The following NR1H3 variants were observed in gnomAD, a reference collection of about 807,000 sequenced individuals.
NR1H3 encodes the protein nuclear receptor subfamily 1 group H member 3, also known as oxysterols receptor LXR-alpha.
A neutral mutation model predicts 48.1 loss-of-function variants in NR1H3; 19 were observed. The ratio of observed to expected loss-of-function variants is 0.40; its 90% CI spans 0.28 to 0.58. The LOEUF (loss-of-function observed/expected upper bound fraction) is 0.58, where lower values mean the gene tolerates loss of function less well. Ranked by LOEUF, NR1H3 falls within the 20% of genes least tolerant of loss-of-function variation. The pLI is 0.50. For missense variants in NR1H3, 486 were observed against 595.9 expected, an observed-to-expected ratio of 0.82 and a Z score of 1.92; for synonymous variants, 232 against 227.3, an observed-to-expected ratio of 1.02 and a Z score of -0.19.
At chr11:47,262,638 T>G (rs1401047429) in intron 7 of NR1H3, among the ~76,000 whole-genome samples, 1 of 152,040 alleles carries the variant, frequency 6.6e-6, no homozygotes, top group African/African-American at 2.4e-5. Context: ...CTTCAGCTTC[T>G]CAAGTAGCTG....
intron 1 of NR1H3, 128 bp downstream of exon 1, chr11:47,258,257 G>C (rs1269831356): frequency 1.1e-6 from 1 of 948,394 alleles, no homozygotes; most frequent in East Asian, 1.2e-4. Flanking sequence ...TGGAAGCTTG[G>C]GACAGGAGCA....
rs371384896 is a variant in NR1H3, at chr11:47,260,508, A to G, written c.332A>G (p.Asn111Ser). Residue 111 changes from asparagine to serine, a missense_variant, in exon 4 of 10, where the codon AAT (asparagine) becomes AGT (serine). Physicochemically the swap from Asn to Ser is conservative, Grantham distance 46. Coordinates refer to ENST00000441012, the MANE Select transcript of NR1H3 (RefSeq NM_005693.4). ...CGDKASGFHY[N>S]VLSCEGCKGF... ...GACAAGGCCTCGGGCTTCCACTACA[A>G]TGTTCTGAGCTGCGAGGGCTGCAAG... 1.3e-5 allele frequency: 21 copies of G among 1,614,118 alleles called. No homozygotes were observed. The highest frequency in any genetic ancestry group is 2.7e-5 in the African/African-American group (2 of 74,938).
At position 47,248,934 on chromosome 11, in the gene NR1H3, G is replaced by A. The variant is rs986505464; in HGVS notation, c.-158G>A. The A allele has an allele frequency of 5.2e-6, 8 of 1,534,864 alleles. No individual in the cohort carries two copies. In the East Asian group the frequency reaches 2.0e-4, roughly 38 times the overall value. On this transcript the variant is annotated 5_prime_UTR_variant, in exon 1 of 9. Transcript: ENST00000395397. Reference sequence around the variant, plus strand: ...GGACCTGCTGGGGTGCGGGGAAAAGGCGCAGTCTCGGTGGGATTGCGTGCA... The same window carrying A: ...GGACCTGCTGGGGTGCGGGGAAAAGACGCAGTCTCGGTGGGATTGCGTGCA...
rs571206335 is a variant in NR1H3 at position 47,251,262 on chromosome 11, C to T, written c.-93+2263C>T. ...ATTACTAAACTGTAATTGGTGATCC[C>T]GAAATCCTTTCAATAAAGAGGTATC... is the stretch of plus-strand genomic sequence containing the variant. On this transcript the variant is annotated intron_variant, in intron 1 of 8. Coordinates refer to the NR1H3 transcript ENST00000395397. 1.4e-3 allele frequency among the ~76,000 whole-genome samples: 206 copies of T among 152,252 alleles called. 1 individual carries two copies. Among genetic ancestry groups the T allele is most frequent in the South Asian group, 1.2e-3 (6 of 4,822 alleles).
intron 1 of NR1H3, among the ~76,000 whole-genome samples, chr11:47,251,324 C>T (rs996169014): frequency 1.3e-5 from 2 of 151,646 alleles, no homozygotes; most frequent in African/African-American, 2.4e-5. Context: ...TTGGACTAAA[C>T]GGGACCTAGG....
intron 7 of NR1H3, among the ~76,000 whole-genome samples, chr11:47,263,842 A>G (rs1956183033): frequency 6.6e-6 from 1 of 151,734 alleles, no homozygotes; most frequent in South Asian, 2.1e-4. Flanking sequence ...AGCTCAGGCA[A>G]TCCGCCCGCC....
upstream of NR1H3, among the ~76,000 whole-genome samples, chr11:47,254,109 C>T (rs1954880661): frequency 6.6e-6 from 1 of 152,170 alleles, no homozygotes; most frequent in Admixed American, 6.5e-5. Context: ...AGTTGAAGTC[C>T]TGGTTATAAT....
chr11:47,263,898 A>G (rs747998794), intron 7 of NR1H3, among the ~76,000 whole-genome samples: 11 of 152,014 alleles, frequency 7.2e-5, no homozygotes, highest in Non-Finnish European at 1.2e-4. Context: ...CCACTTGTCC[A>G]GGCCCCTCCC....
At chr11:47,259,380 C>A in intron 2 of NR1H3, 121 bp downstream of exon 2, 1 of 1,596,426 alleles carries the variant, frequency 6.3e-7, no homozygotes, top group East Asian at 2.3e-5. Flanking sequence ...CAGAGTCATT[C>A]TTAGTCGTGC....
At position 47,267,897 on chromosome 11, in the gene NR1H3, C is replaced by T; in HGVS notation, c.989-16C>T. On this transcript the variant is annotated splice_polypyrimidine_tract_variant and intron_variant, in intron 7 of 9. Coordinates refer to ENST00000441012, the MANE Select transcript of NR1H3 (RefSeq NM_005693.4). ...TGCTCCTGCTGCTTGCGTCAGCCTC[C>T]CTTCTTCCTCCCCAGGGCTGCAAGT... 1 of 1,588,538 alleles carries T rather than the reference C, an allele frequency of 6.3e-7. No individual in the cohort carries two copies. Among genetic ancestry groups the T allele is most frequent in the Non-Finnish European group, 8.6e-7 (1 of 1,156,906 alleles).
intron 1 of NR1H3, among the ~76,000 whole-genome samples, chr11:47,252,535 A>T (rs1267201048): frequency 2.0e-5 from 3 of 151,356 alleles, no homozygotes; most frequent in Non-Finnish European, 4.4e-5. Flanking sequence ...CTGGGATTAC[A>T]GGTGTGAGCC....
Position 47,258,141 on chromosome 11 carries a change from C to T in NR1H3, c.-38+12C>T. On this transcript the variant is annotated intron_variant, in intron 1 of 9. Coordinates refer to ENST00000441012, the MANE Select transcript of NR1H3 (RefSeq NM_005693.4). ...GGCCTGGGGATTTGGTGGGTCTGCT[C>T]CTTAGCAGTGGCCTGGGGCTCTGTG... 1.0e-6 allele frequency: 1 copy of T among 985,348 alleles called. No individual in the cohort carries two copies. Among genetic ancestry groups the T allele is most frequent in the African/African-American group, 1.7e-5 (1 of 57,254 alleles). 61.0% of individuals were successfully genotyped at this position (985,348 alleles called of 1,614,324 possible). A position where few individuals can be genotyped will look rare whatever the true frequency, so the allele number is the denominator to read the frequency against.
intron 1 of NR1H3, among the ~76,000 whole-genome samples, chr11:47,252,884 A>G (rs1954778656): frequency 2.0e-5 from 3 of 150,250 alleles, no homozygotes; most frequent in South Asian, 2.1e-4. Flanking sequence ...CGGCAGTTTT[A>G]TATAATGGAG....
At chr11:47,264,871 C>G (rs1252769297) in intron 7 of NR1H3, among the ~76,000 whole-genome samples, 1 of 152,190 alleles carries the variant, frequency 6.6e-6, no homozygotes, top group East Asian at 1.9e-4. Flanking sequence ...TTGAGGTGTT[C>G]ATTCCGTGGG....
chr11:47,260,558 A>C lies in NR1H3; in HGVS notation c.382A>C (p.Lys128Gln), dbSNP rs765354464. ...CKGFFRRSVIKGAHYICHSGG... is the reference protein window; with the variant it reads ...CKGFFRRSVIQGAHYICHSGG... ...GGGATTCTTCCGCCGCAGCGTCATC[A>C]AGGGAGCGCACTACATCTGCCACAG... is the stretch of plus-strand genomic sequence containing the variant. The change falls in exon 4 of 10, where the codon AAG becomes CAG. Residue 128 changes from lysine (K) to glutamine (Q), a missense_variant. Physicochemically the swap from Lys to Gln is moderately conservative, Grantham distance 53. Transcript: ENST00000441012. 13 of 1,614,134 alleles carry C rather than the reference A, an allele frequency of 8.1e-6. No individual in the cohort carries two copies. In the African/African-American group the frequency reaches 1.7e-4, roughly 22 times the overall value.
chr11:47,260,316 G>GA (rs1955698365), intron 3 of NR1H3, 93 bp from the exon 4 acceptor site: 3 of 1,474,738 alleles, frequency 2.0e-6, no homozygotes, highest in Admixed American at 2.2e-5. Flanking sequence ...TGAAGGGAAT[G>GA]AAGGTCACTG....
intron 2 of NR1H3, 80 bp from the exon 3 acceptor site, chr11:47,259,711 G>T: frequency 6.3e-7 from 1 of 1,597,120 alleles, no homozygotes. Context: ...GGATAAGTTT[G>T]CAGTTTCCCA....
chr11:47,255,615 C>CTCTCTCTT (rs1554981334), upstream of NR1H3, among the ~76,000 whole-genome samples: 109 of 93,044 alleles, frequency 1.2e-3, no homozygotes, highest in African/African-American at 4.8e-3. Context: ...CTCTCTCTCT[C>CTCTCTCTT]TCTTTCTTTC....
At chr11:47,256,144 G>A (rs375469879), upstream of NR1H3, among the ~76,000 whole-genome samples, 13 of 151,878 alleles carry the variant, frequency 8.6e-5, no homozygotes, top group East Asian at 2.1e-3. Flanking sequence ...AGATTCAAGT[G>A]ATTCTCCTCC....
Sources: allele counts gnomAD v4.1 joint callset (sites outside exome capture counted in the v4.1 genomes callset), GRCh38; gene constraint gnomAD v4.1.1; transcripts MANE v1.5; gene names NCBI Gene and HGNC (gene_info 2026-07-23, HGNC 2026-07-21).